Variants in ERF observed in about 807,000 individuals in gnomAD.
ERF encodes ETS domain-containing transcription factor ERF.
In ERF, 10 loss-of-function variants were observed where a neutral mutation model predicts 41.6. The ratio of observed to expected loss-of-function variants is 0.24; its 90% CI spans 0.15 to 0.41. The LOEUF (loss-of-function observed/expected upper bound fraction) is 0.41, where lower values mean the gene tolerates loss of function less well. Among genes scored for constraint, ERF ranks in the 10% least tolerant of loss-of-function variants. ERF has a pLI of 1.00. For missense variants in ERF, 621 were observed against 763.2 expected (o/e 0.81, Z 2.19); for synonymous variants, 395 against 342.4 (o/e 1.15, Z -1.70).
At chr19:42,252,443 G>A (rs576071144) in intron 1 of ERF, among the ~76,000 whole-genome samples, 1 of 152,212 alleles carries the variant, frequency 6.6e-6, no homozygotes, top group South Asian at 2.1e-4. Flanking sequence ...GAGCGGGGGA[G>A]CAGGAGGCTA....
chr19:42,253,922 C>T (rs2036489824), intron 1 of ERF: 6 of 1,048,918 alleles, frequency 5.7e-6, no homozygotes, highest in South Asian at 2.8e-5. Flanking sequence ...CGGCGCCCGG[C>T]CCCCTTCCCC....
chr19:42,253,945 C>T, intron 1 of ERF: 2 of 1,026,544 alleles, frequency 1.9e-6, no homozygotes, highest in Non-Finnish European at 2.3e-6. Context: ...CCCCCGTCCC[C>T]GCCCCGGGCC....
chr19:42,253,993 A>AC (rs1046689595), intron 1 of ERF: 1 of 959,776 alleles, frequency 1.0e-6, no homozygotes, highest in African/African-American at 1.8e-5. Flanking sequence ...GGCGGCTGGG[A>AC]CCCCTCCCCC....
rs1048061384 is a variant in ERF, at chr19:42,247,770, C to T, written c.*695G>A. 6 of 152,260 alleles carry T rather than the reference C, an allele frequency of 3.9e-5. No homozygotes were observed. The highest frequency in any genetic ancestry group is 3.3e-4 in the Admixed American group (5 of 15,264). 9.4% of individuals were successfully genotyped at this position (152,260 alleles called of 1,614,324 possible). A position where few individuals can be genotyped will look rare whatever the true frequency, so the allele number is the denominator to read the frequency against. On this transcript the variant is annotated 3_prime_UTR_variant, in exon 4 of 4. Coordinates refer to ENST00000222329, the MANE Select transcript of ERF (RefSeq NM_006494.4). ...TCCCCCCACCCGCCTGCCCATGGGC[C>T]AGTCCTAGGAGCAGCTGGGGATGAA... is the stretch of plus-strand genomic sequence containing the variant.
At position 42,249,566 on chromosome 19, in the gene ERF, G is replaced by T; in HGVS notation, c.546C>A (p.Gly182=). The T allele has an allele frequency of 6.2e-7, 1 of 1,613,544 alleles. No individual in the cohort carries two copies. The highest frequency in any genetic ancestry group is 8.5e-7 in the Non-Finnish European group (1 of 1,179,984). The change falls in exon 4 of 4, where the codon GGC becomes GGA. Residue 182 remains glycine (G), a synonymous_variant. Coordinates refer to ENST00000222329, the MANE Select transcript of ERF (RefSeq NM_006494.4). The surrounding 1 kb of genome is among the most constrained non-coding windows in gnomAD (Gnocchi z 8.6). ...CACTACAGTCACTGACTGAGCCTCG[G>T]CCCAGGCGGCGGGCCACCACAGCCG... The part of the protein sequence containing the change: ...LFSAVVARRL[G]RGSVSDCSDG...
intron 1 of ERF, among the ~76,000 whole-genome samples, chr19:42,252,061 C>T (rs1034039384): frequency 7.9e-5 from 12 of 152,180 alleles, no homozygotes; most frequent in African/African-American, 2.2e-4. Context: ...AGAGCACCAT[C>T]GCTCTCTTGG....
At chr19:42,254,727 G>A (rs2036505800) in intron 1 of ERF, 1 of 369,274 alleles carries the variant, frequency 2.7e-6, no homozygotes, top group East Asian at 4.2e-5. Context: ...AGCCCGGCCT[G>A]CGGGGTCCCG....
At chr19:42,254,700 TC>T (rs1568475478) in intron 1 of ERF, 5 of 330,592 alleles carry the variant, frequency 1.5e-5, no homozygotes, top group African/African-American at 4.4e-5. Flanking sequence ...ACCCCCGTGA[TC>T]CCGGGAGTGG....
chr19:42,248,904 C>G lies in ERF; in HGVS notation c.1208G>C (p.Gly403Ala). 6.2e-7 allele frequency: 1 copy of G among 1,607,824 alleles called. No individual in the cohort carries two copies. The highest frequency in any genetic ancestry group is 1.3e-5 in the African/African-American group (1 of 75,046). ...CTCAGCCAGCCCGCCTGCACTGCCA[C>G]CGCTCTTGTCAGCACCGGCTACGGC... ...EKAVAGADKS[G>A]GSAGGLAEGA... Residue 403 changes from glycine (G) to alanine (A), a missense_variant, in exon 4 of 4, where the codon GGT (glycine) becomes GCT (alanine). Coordinates refer to ENST00000222329, the MANE Select transcript of ERF (RefSeq NM_006494.4). The surrounding 1 kb of genome is among the most constrained non-coding windows in gnomAD (Gnocchi z 4.2).
rs2036383425 is a variant in ERF, at chr19:42,248,867, C to T, written c.1245G>A (p.Ala415=). ...GTGGTGGCGGGGGCGGTGGGGCTAG[C>T]GCCCCTGCCCCCTCAGCCAGCCCGC... ...SAGGLAEGAG[A]LAPPPPPPQI... The change falls in exon 4 of 4, where the codon GCG becomes GCA. Residue 415 remains alanine (A), a synonymous_variant. Coordinates refer to ENST00000222329, the MANE Select transcript of ERF (RefSeq NM_006494.4). This position sits in a 1 kb window ranked among gnomAD's most constrained non-coding sequence, Gnocchi z 4.2. 14 of 1,607,978 alleles carry T rather than the reference C, an allele frequency of 8.7e-6. No individual in the cohort carries two copies. The highest frequency in any genetic ancestry group is 2.2e-5 in the East Asian group (1 of 44,776).
At position 42,248,700 on chromosome 19, in the gene ERF, G is replaced by C; in HGVS notation, c.1412C>G (p.Ala471Gly). ...PAPPKPEPGEAPGASQCMPLK... is the reference protein window; with the variant it reads ...PAPPKPEPGEGPGASQCMPLK... ...GGGCATGCACTGGGATGCCCCGGGT[G>C]CCTCGCCGGGCTCAGGCTTAGGGGG... Residue 471 changes from alanine (A) to glycine (G), a missense_variant, in exon 4 of 4, where the codon GCA (alanine) becomes GGA (glycine). Physicochemically the swap from Ala to Gly is moderately conservative, Grantham distance 60 (BLOSUM62 0). Coordinates refer to ENST00000222329, the MANE Select transcript of ERF (RefSeq NM_006494.4). This position sits in a 1 kb window ranked among gnomAD's most constrained non-coding sequence, Gnocchi z 4.2. The C allele has an allele frequency of 6.2e-7, 1 of 1,611,630 alleles. No individual in the cohort carries two copies. The highest frequency in any genetic ancestry group is 8.5e-7 in the Non-Finnish European group (1 of 1,178,370).
In ERF at chr19:42,255,079, CG is replaced by C. The variant is rs1336839497; in HGVS notation, c.-81del. ...TCGCTGCCCCGTCCCGTCCCGCGCCCGTCGGGCCGCCCTCGCCGCCTCACCC... is the reference window on the plus strand; with the variant it reads ...TCGCTGCCCCGTCCCGTCCCGCGCCCTCGGGCCGCCCTCGCCGCCTCACCC... On this transcript the variant is annotated 5_prime_UTR_variant, in exon 1 of 4. Coordinates refer to ENST00000222329, the MANE Select transcript of ERF (RefSeq NM_006494.4). 1 of 1,211,214 alleles carries C rather than the reference CG, an allele frequency of 8.3e-7. No individual in the cohort carries two copies. Among genetic ancestry groups the C allele is most frequent in the East Asian group, 3.3e-5 (1 of 30,370 alleles). The allele number at this position is 1,211,214 out of a possible 1,614,324, so 75.0% of individuals were successfully genotyped here.
chr19:42,254,165 G>T (rs575049221), intron 1 of ERF, among the ~76,000 whole-genome samples: 4 of 151,650 alleles, frequency 2.6e-5, no homozygotes, highest in Non-Finnish European at 4.4e-5. Context: ...AGTTGGCGGG[G>T]AAGAGAGGGG....
At chr19:42,252,286 G>T (rs904317445) in intron 1 of ERF, among the ~76,000 whole-genome samples, 1 of 152,120 alleles carries the variant, frequency 6.6e-6, no homozygotes, top group African/African-American at 2.4e-5. Context: ...CTAGAAGGGG[G>T]GCCAAAGCCC....
intron 1 of ERF, chr19:42,253,706 C>T: frequency 3.5e-6 from 1 of 285,390 alleles, no homozygotes. Context: ...GGTCCCAATC[C>T]CCTGGCGCCG....
intron 1 of ERF, among the ~76,000 whole-genome samples, chr19:42,252,887 G>A (rs985620634): frequency 1.4e-4 from 22 of 152,202 alleles, no homozygotes; most frequent in Admixed American, 7.2e-4. Context: ...AGACCTGCAC[G>A]GAGGAAGCTT....
rs925476633 is a variant in ERF, at chr19:42,250,208, G to A, written c.257+123C>T. Reference sequence around the variant, plus strand: ...AGGGAAGGGCTGGGAGTGGCCCAAGGTCACACAGCTAGGATTTGGCAAAGC... The same window carrying A: ...AGGGAAGGGCTGGGAGTGGCCCAAGATCACACAGCTAGGATTTGGCAAAGC... On this transcript the variant is annotated intron_variant, in intron 2 of 3. Transcript: ENST00000222329. The surrounding 1 kb of genome is among the most constrained non-coding windows in gnomAD (Gnocchi z 5.1). The A allele has an allele frequency of 1.3e-4, 148 of 1,162,050 alleles. No individual in the cohort carries two copies. The highest frequency in any genetic ancestry group is 1.6e-4 in the South Asian group (11 of 68,384). 72.0% of individuals were successfully genotyped at this position (1,162,050 alleles called of 1,614,324 possible). A position where few individuals can be genotyped will look rare whatever the true frequency, so the allele number is the denominator to read the frequency against.
rs956884297 is a variant in ERF at position 42,247,946 on chromosome 19, C to T, written c.*519G>A. On this transcript the variant is annotated 3_prime_UTR_variant, in exon 4 of 4. Transcript: ENST00000222329. Reference sequence around the variant, plus strand: ...GTTCATTATAAAATTGTCCCTCCCTCCCCTGCTGTGACCTTGTGGGGTATG... The same window carrying T: ...GTTCATTATAAAATTGTCCCTCCCTTCCCTGCTGTGACCTTGTGGGGTATG... The T allele has an allele frequency of 1.3e-5, 2 of 152,804 alleles. No individual in the cohort carries two copies. The highest frequency in any genetic ancestry group is 4.8e-5 in the African/African-American group (2 of 41,418). 9.5% of individuals were successfully genotyped at this position (152,804 alleles called of 1,614,324 possible).
At chr19:42,251,254 C>G in intron 1 of ERF, 1 of 986,128 alleles carries the variant, frequency 1.0e-6, no homozygotes, top group Non-Finnish European at 1.2e-6. Flanking sequence ...GGCATCCAGG[C>G]CCCACCTGGC....
Sources: gnomAD v4.1 joint callset for allele counts (sites outside exome capture counted in the v4.1 genomes callset) on GRCh38, gnomAD v4.1.1 for gene constraint, Gnocchi (gnomAD v3.1) non-coding constraint, MANE v1.5 for transcripts, NCBI Gene and HGNC (gene_info 2026-07-23, HGNC 2026-07-21) for gene names.